The following TMEM181 variants were observed in gnomAD, a reference collection of about 807,000 sequenced individuals.
TMEM181 encodes the protein transmembrane protein 181, also known as G protein-coupled receptor 178.
Under a neutral mutation model 71.9 loss-of-function variants are expected in TMEM181, and 39 were observed. That is an observed-to-expected ratio of 0.54 (90% CI 0.42 to 0.71). The LOEUF (loss-of-function observed/expected upper bound fraction) is 0.71, where lower values mean the gene tolerates loss of function less well. Among genes scored for constraint, TMEM181 ranks in the 30% least tolerant of loss-of-function variants. The pLI is 0.00. For missense variants in TMEM181, 595 were observed against 583.0 expected (o/e 1.02, Z -0.21); for synonymous variants, 245 against 228.8 (o/e 1.07, Z -0.64).
chr6:158,600,346 C>G (rs1221854947), intron 6 of TMEM181, among the ~76,000 whole-genome samples: 1 of 151,612 alleles, frequency 6.6e-6, no homozygotes, highest in African/African-American at 2.4e-5. Context: ...GACAGGGTTT[C>G]TCCATGTTGG....
chr6:158,605,133 T>TGTGTGTGG, intron 6 of TMEM181, 134 bp from the exon 7 acceptor site: 2 of 81,126 alleles, frequency 2.5e-5, no homozygotes, highest in Non-Finnish European at 4.5e-5. Context: ...AAAAAAAAAG[T>TGTGTGTGG]GTGTGTGTGT....
chr6:158,571,966 C>T (rs1284919219), intron 1 of TMEM181, among the ~76,000 whole-genome samples: 4 of 152,230 alleles, frequency 2.6e-5, no homozygotes, highest in African/African-American at 9.6e-5. Flanking sequence ...CACCTCCTTC[C>T]CCAGCTCTCT....
At chr6:158,624,329 G>GATCA (rs879608932) in intron 11 of TMEM181, among the ~76,000 whole-genome samples, 20,332 of 152,282 alleles carry the variant, frequency 0.13, 1,513 homozygotes, top group Middle Eastern at 0.2. Flanking sequence ...AGTCACTTAG[G>GATCA]TGCTTTTGAG....
intron 1 of TMEM181, among the ~76,000 whole-genome samples, chr6:158,544,570 C>T (rs749002812): frequency 6.6e-6 from 1 of 152,182 alleles, no homozygotes; most frequent in Non-Finnish European, 1.5e-5. Context: ...GCTCATTTCC[C>T]CAATTTCTTC....
chr6:158,598,912 C>T (rs548317486), intron 6 of TMEM181, among the ~76,000 whole-genome samples: 3 of 152,220 alleles, frequency 2.0e-5, no homozygotes, highest in African/African-American at 4.8e-5. Context: ...CCGCCTGCCT[C>T]GGCCTCCCAA....
chr6:158,621,842 C>T (rs1430178832), intron 10 of TMEM181, among the ~76,000 whole-genome samples: 1 of 152,226 alleles, frequency 6.6e-6, no homozygotes, highest in African/African-American at 2.4e-5. Context: ...GGCTACAGAG[C>T]ACTTTGATTA....
chr6:158,611,479 CATT>C lies in TMEM181; in HGVS notation c.896+2730_896+2732del, dbSNP rs1474368779. 6.2e-5 allele frequency: 33 copies of C among 528,072 alleles called. 1 individual carries two copies. The Admixed American group carries it at 6.7e-4, about 11-fold the overall frequency. 32.7% of individuals were successfully genotyped at this position (528,072 alleles called of 1,614,324 possible). On this transcript the variant is annotated intron_variant, in intron 10 of 16. Coordinates refer to ENST00000684151, the MANE Select transcript of TMEM181 (RefSeq NM_001376852.1). The stretch of plus-strand genomic sequence containing the variant: ...ACCTTGTTGGGTTCCTCAGTCGTAT[CATT>C]CTGACTCTCAGCTTCAGTTGCAAAT...
At chr6:158,606,412 CACTT>C (rs1784963690) in intron 7 of TMEM181, among the ~76,000 whole-genome samples, 1 of 152,234 alleles carries the variant, frequency 6.6e-6, no homozygotes, top group Admixed American at 6.5e-5. Flanking sequence ...CAGCCAGAAA[CACTT>C]GCTTCTTCTC....
intron 11 of TMEM181, among the ~76,000 whole-genome samples, chr6:158,623,849 C>T (rs1583052521): frequency 6.6e-6 from 1 of 152,050 alleles, no homozygotes; most frequent in Middle Eastern, 3.4e-3. Context: ...CAGCCTCCGC[C>T]TCCTGGGTTC....
intron 6 of TMEM181, among the ~76,000 whole-genome samples, chr6:158,597,080 G>A (rs535183340): frequency 1.0e-3 from 159 of 152,246 alleles, no homozygotes; most frequent in African/African-American, 3.8e-3. Context: ...CTAGATGGTC[G>A]ATGGCCCCTT....
chr6:158,567,548 C>T (rs1481666228), intron 1 of TMEM181, among the ~76,000 whole-genome samples: 1 of 152,176 alleles, frequency 6.6e-6, no homozygotes, highest in East Asian at 1.9e-4. Context: ...GAAGGTGGGA[C>T]ACAGCTGAAC....
chr6:158,587,838 A>C lies in TMEM181; in HGVS notation c.382-1834A>C, dbSNP rs531653020. On this transcript the variant is annotated intron_variant, in intron 5 of 16. Coordinates refer to ENST00000684151, the MANE Select transcript of TMEM181 (RefSeq NM_001376852.1). ...AACTCGTAAGTATATGCAGCCTGAGATACAGCTCTTTTGTTAATTAAAACA... is the reference window on the plus strand; with the variant it reads ...AACTCGTAAGTATATGCAGCCTGAGCTACAGCTCTTTTGTTAATTAAAACA... 2.0e-5 allele frequency among the ~76,000 whole-genome samples: 3 copies of C among 152,122 alleles called. No homozygotes were observed. In the South Asian group the frequency reaches 6.2e-4, roughly 32 times the overall value.
At chr6:158,550,938 A>G (rs1781702831) in intron 1 of TMEM181, among the ~76,000 whole-genome samples, 1 of 149,776 alleles carries the variant, frequency 6.7e-6, no homozygotes, top group Admixed American at 6.7e-5. Flanking sequence ...TTAAATAAAA[A>G]TCATACAAAC....
At chr6:158,588,913 G>A (rs891412718) in intron 5 of TMEM181, among the ~76,000 whole-genome samples, 4 of 152,194 alleles carry the variant, frequency 2.6e-5, no homozygotes, top group African/African-American at 4.8e-5. Flanking sequence ...GTGACATTCC[G>A]AAAGGCAGGG....
chr6:158,542,564 G>A (rs112317519), intron 1 of TMEM181, among the ~76,000 whole-genome samples: 2,144 of 152,184 alleles, frequency 0.014, 53 homozygotes, highest in African/African-American at 0.049. Flanking sequence ...TGTACCTTGG[G>A]GTAAGCGGAG....
chr6:158,613,943 A>G, intron 10 of TMEM181, among the ~76,000 whole-genome samples: 1 of 152,228 alleles, frequency 6.6e-6, no homozygotes, highest in Non-Finnish European at 1.5e-5. Context: ...AATCAGAAAC[A>G]CAATTGACAA....
At position 158,632,776 on chromosome 6, in the gene TMEM181, C is replaced by T. The variant is rs1385267871; in HGVS notation, c.*888C>T. On this transcript the variant is annotated 3_prime_UTR_variant, in exon 17 of 17. Coordinates refer to ENST00000684151, the MANE Select transcript of TMEM181 (RefSeq NM_001376852.1). ...CTTTATTTATTTATGTAAGTAAAAG[C>T]TAAATGAGGGGCCAGGTGCAGTGGC... 2 of 152,218 alleles carry T rather than the reference C, an allele frequency of 1.3e-5. No homozygotes were observed. Among genetic ancestry groups the T allele is most frequent in the Non-Finnish European group, 2.9e-5 (2 of 68,056 alleles). The allele number at this position is 152,218 out of a possible 1,614,324, so 9.4% of individuals were successfully genotyped here. A position where few individuals can be genotyped will look rare whatever the true frequency, so the allele number is the denominator to read the frequency against.
At chr6:158,617,742 AGTC>A (rs201767090) in intron 10 of TMEM181, among the ~76,000 whole-genome samples, 4,671 of 152,330 alleles carry the variant, frequency 0.031, 104 homozygotes, top group Middle Eastern at 0.078. Context: ...TTTACCCAGT[AGTC>A]ATTCAGGAGC....
intron 5 of TMEM181, among the ~76,000 whole-genome samples, chr6:158,588,008 A>C (rs1002271250): frequency 2.6e-5 from 4 of 152,220 alleles, no homozygotes; most frequent in Non-Finnish European, 5.9e-5. Flanking sequence ...CCCGACTGCC[A>C]GAGGGGAAAG....
Sources: allele counts gnomAD v4.1 joint callset (sites outside exome capture counted in the v4.1 genomes callset), GRCh38; gene constraint gnomAD v4.1.1; transcripts MANE v1.5; gene names NCBI Gene and HGNC (gene_info 2026-07-23, HGNC 2026-07-21).